The following PDE4B variants were observed in gnomAD, a reference collection of about 807,000 sequenced individuals.
PDE4B encodes the protein phosphodiesterase 4B, also known as 3',5'-cyclic-AMP phosphodiesterase 4B.
Under a neutral mutation model 82.2 loss-of-function variants are expected in PDE4B, and 20 were observed. That is an observed-to-expected ratio of 0.24 (90% confidence interval 0.17 to 0.35). PDE4B has a LOEUF of 0.35. Ranked by LOEUF, PDE4B falls within the 10% of genes least tolerant of loss-of-function variation. The pLI is 1.00. For missense variants in PDE4B, 655 were observed against 907.2 expected (o/e 0.72, Z 3.57); for synonymous variants, 320 against 318.9 (o/e 1.00, Z -0.04).
intron 3 of PDE4B, among the ~76,000 whole-genome samples, chr1:66,067,090 T>G (rs1031904643): frequency 3.9e-5 from 6 of 151,996 alleles, no homozygotes; most frequent in East Asian, 1.9e-4. Context: ...GTCTATCATT[T>G]ATGGACATTT....
chr1:65,909,397 A>G lies in PDE4B; in HGVS notation c.-70-3848A>G, dbSNP rs539296853. Reference sequence around the variant, plus strand: ...AAATTCCTTTTAGCCAGGTATCACTAGTACTGATAACTCTAACCTGTGAAA... The same window carrying G: ...AAATTCCTTTTAGCCAGGTATCACTGGTACTGATAACTCTAACCTGTGAAA... On this transcript the variant is annotated intron_variant, in intron 1 of 16. Coordinates refer to ENST00000341517, the MANE Select transcript of PDE4B (RefSeq NM_002600.4). 5.9e-5 allele frequency among the ~76,000 whole-genome samples: 9 copies of G among 152,306 alleles called. No individual in the cohort carries two copies. In the South Asian group the frequency reaches 1.9e-3, roughly 32 times the overall value.
intron 1 of PDE4B, among the ~76,000 whole-genome samples, chr1:65,842,061 C>T (rs1646213243): frequency 6.6e-6 from 1 of 152,038 alleles, no homozygotes; most frequent in East Asian, 1.9e-4. Flanking sequence ...AATCTTACAC[C>T]ATGGACAATT....
chr1:66,268,177 T>C (rs2101737467), intron 7 of PDE4B, among the ~76,000 whole-genome samples: 1 of 152,318 alleles, frequency 6.6e-6, no homozygotes, highest in South Asian at 2.1e-4. Flanking sequence ...TATTCTTGTA[T>C]TGGAGCAATT....
At chr1:66,164,819 C>T (rs911480775) in intron 3 of PDE4B, among the ~76,000 whole-genome samples, 4 of 144,748 alleles carry the variant, frequency 2.8e-5, no homozygotes, top group Non-Finnish European at 4.5e-5. Flanking sequence ...TGCAGTGGCG[C>T]GCAATCTCAG....
chr1:65,884,033 T>A (rs1646741094), intron 1 of PDE4B, among the ~76,000 whole-genome samples: 2 of 152,136 alleles, frequency 1.3e-5, no homozygotes, highest in South Asian at 4.1e-4. Context: ...GATAAGCTTT[T>A]TGATGTGCTG....
At chr1:66,292,855 C>T (rs995401629) in intron 7 of PDE4B, among the ~76,000 whole-genome samples, 3 of 152,100 alleles carry the variant, frequency 2.0e-5, no homozygotes, top group Admixed American at 2.0e-4. Flanking sequence ...AACATAAATA[C>T]TTCTATTGTT....
intron 3 of PDE4B, among the ~76,000 whole-genome samples, chr1:65,975,828 G>A (rs1170029200): frequency 1.3e-5 from 2 of 152,222 alleles, no homozygotes; most frequent in East Asian, 1.9e-4. Flanking sequence ...GAAGACAGGA[G>A]TTGAGGATTG....
intron 3 of PDE4B, among the ~76,000 whole-genome samples, chr1:66,080,835 T>C (rs901755387): frequency 2.0e-5 from 3 of 152,140 alleles, no homozygotes; most frequent in Non-Finnish European, 4.4e-5. Flanking sequence ...GTTTGGGGTA[T>C]GACTGAACCA....
intron 3 of PDE4B, among the ~76,000 whole-genome samples, chr1:66,059,398 C>T (rs541727277): frequency 1.4e-3 from 220 of 152,274 alleles, no homozygotes; most frequent in African/African-American, 5.1e-3. Context: ...TTTCAGCAGC[C>T]CCCCACTCTA....
intron 1 of PDE4B, among the ~76,000 whole-genome samples, chr1:65,814,861 G>A (rs1645862202): frequency 6.6e-6 from 1 of 151,262 alleles, no homozygotes; most frequent in African/African-American, 2.4e-5. Flanking sequence ...ATTTTTTTTT[G>A]TATAAGTTTT....
At position 65,970,876 on chromosome 1, in the gene PDE4B, G is replaced by T. The variant is rs187906797; in HGVS notation, c.281+52041G>T. 2.0e-5 allele frequency among the ~76,000 whole-genome samples: 3 copies of T among 151,912 alleles called. No individual in the cohort carries two copies. The East Asian group carries it at 5.8e-4, about 29-fold the overall frequency. ...GGAGGACTCCATACATGAGGTGTGC[G>T]GTGCAGTAGCAGGAAATGAGGCCAA... On this transcript the variant is annotated intron_variant, in intron 3 of 16. Coordinates refer to ENST00000341517, the MANE Select transcript of PDE4B (RefSeq NM_002600.4).
intron 3 of PDE4B, among the ~76,000 whole-genome samples, chr1:65,974,069 TC>T (rs757983619): frequency 3.9e-5 from 6 of 152,136 alleles, no homozygotes. Context: ...TGCCTCAGCC[TC>T]CCAAAGTGCT....
intron 1 of PDE4B, among the ~76,000 whole-genome samples, chr1:65,870,551 C>G (rs1342208319): frequency 2.6e-5 from 4 of 152,132 alleles, no homozygotes; most frequent in Admixed American, 2.6e-4. Flanking sequence ...TAATACCTTT[C>G]CATCTGTGTG....
intron 3 of PDE4B, among the ~76,000 whole-genome samples, chr1:66,198,579 C>T (rs1023107949): frequency 6.6e-6 from 1 of 151,968 alleles, no homozygotes; most frequent in Non-Finnish European, 1.5e-5. Context: ...TTCTGCTCCT[C>T]TCTGCACTTC....
rs963674218 is a variant in PDE4B, at chr1:65,792,958, C to T, written c.-361C>T. ...CCTGTGTCTCCCTGGCGCGGGTTCC[C>T]CAGGCTAGCCCGCTGGCCCGTCCGC... On this transcript the variant is annotated 5_prime_UTR_variant, in exon 1 of 17. Transcript: ENST00000341517. Among the ~76,000 whole-genome samples, 11 of 151,794 alleles carry T rather than the reference C, an allele frequency of 7.2e-5. No individual in the cohort carries two copies. The highest frequency in any genetic ancestry group is 2.7e-4 in the African/African-American group (11 of 41,374).
rs75736859 is a variant in PDE4B at position 66,259,938 on chromosome 1, C to G, written c.584+2075C>G. ...CACTTGGGCAAGCTAATTACTCTCT[C>G]TATATCTCAGTTTTCTAATGTGTAA... On this transcript the variant is annotated intron_variant, in intron 6 of 16. Coordinates refer to ENST00000341517, the MANE Select transcript of PDE4B (RefSeq NM_002600.4). Among the ~76,000 whole-genome samples the G allele has an allele frequency of 5.9e-3, 904 of 152,248 alleles. 7 individuals carry two copies. Among genetic ancestry groups the G allele is most frequent in the Non-Finnish European group, 0.011 (731 of 68,012 alleles).
At chr1:65,818,128 T>A (rs1481754972) in intron 1 of PDE4B, among the ~76,000 whole-genome samples, 1 of 152,174 alleles carries the variant, frequency 6.6e-6, no homozygotes, top group Non-Finnish European at 1.5e-5. Context: ...CCCTCAACAA[T>A]GCCTTCCAAG....
chr1:66,000,518 T>C (rs141107616), intron 3 of PDE4B, among the ~76,000 whole-genome samples: 14 of 152,290 alleles, frequency 9.2e-5, no homozygotes, highest in African/African-American at 3.1e-4. Flanking sequence ...TGCCTCATTT[T>C]TTCTTTCCTG....
At chr1:65,883,038 A>C (rs1646727322) in intron 1 of PDE4B, among the ~76,000 whole-genome samples, 1 of 152,160 alleles carries the variant, frequency 6.6e-6, no homozygotes, top group Non-Finnish European at 1.5e-5. Flanking sequence ...TGTGAGCTTC[A>C]TTTGCCCACC....
Sources: allele counts gnomAD v4.1 joint callset (sites outside exome capture counted in the v4.1 genomes callset), GRCh38; gene constraint gnomAD v4.1.1; transcripts MANE v1.5; gene names NCBI Gene and HGNC (gene_info 2026-07-23, HGNC 2026-07-21).